The following SPINK5 variants were observed in gnomAD, a reference collection of about 807,000 sequenced individuals.
The protein encoded by SPINK5 is serine protease inhibitor Kazal-type 5.
SPINK5 carries 125 observed loss-of-function variants against 151.8 expected under a neutral mutation model. The observed-to-expected ratio is 0.82, with a 90% confidence interval of 0.71 to 0.96. The LOEUF is 0.96. SPINK5 is among the 40% of genes least tolerant of loss of function. The pLI is 0.00. For missense variants in SPINK5, 1,194 were observed against 1,291.9 expected, an observed-to-expected ratio of 0.92 and a Z score of 1.16; for synonymous variants, 374 against 395.3, an observed-to-expected ratio of 0.95 and a Z score of 0.64.
At chr5:148,134,083 T>C in intron 32 of SPINK5, 196 bp downstream of exon 32, 1 of 663,598 alleles carries the variant, frequency 1.5e-6, no homozygotes, top group Admixed American at 2.1e-5. Flanking sequence ...AATGTAGCAG[T>C]TAATATTTTA....
At chr5:148,088,519 T>C (rs773579939) in intron 5 of SPINK5, 23 bp from the exon 6 acceptor site, 3 of 1,608,346 alleles carry the variant, frequency 1.9e-6, no homozygotes, top group African/African-American at 2.7e-5. Flanking sequence ...TAAACTGCTG[T>C]GTCTACTAAC....
intron 15 of SPINK5, among the ~76,000 whole-genome samples, 156 bp from the exon 16 acceptor site, chr5:148,104,796 T>C (rs570621279): frequency 1.3e-5 from 2 of 152,022 alleles, no homozygotes; most frequent in East Asian, 3.9e-4. Flanking sequence ...CTTGGGAGGC[T>C]GAGGCAGGAG....
chr5:148,095,948 G>GT, intron 10 of SPINK5, 43 bp downstream of exon 10: 1 of 1,469,926 alleles, frequency 6.8e-7, no homozygotes. Flanking sequence ...TTGTGTGTGT[G>GT]TGGGGGGGTG....
intron 32 of SPINK5, among the ~76,000 whole-genome samples, chr5:148,135,104 C>T (rs1456790505): frequency 1.3e-5 from 2 of 152,068 alleles, no homozygotes; most frequent in African/African-American, 2.4e-5. Context: ...AAGTTATTTA[C>T]CACCCATTTA....
At chr5:148,101,989 A>G (rs1421943421) in intron 15 of SPINK5, 81 bp downstream of exon 15, 3 of 1,597,106 alleles carry the variant, frequency 1.9e-6, no homozygotes, top group South Asian at 1.1e-5. Flanking sequence ...CATTGTGAAT[A>G]ATGCATTTTC....
At chr5:148,077,438 T>A (rs1377398944) in intron 4 of SPINK5, among the ~76,000 whole-genome samples, 1 of 151,110 alleles carries the variant, frequency 6.6e-6, no homozygotes, top group African/African-American at 2.4e-5. Context: ...CTGAGAGACT[T>A]TGTTGTTAAC....
At chr5:148,095,732 T>G in intron 9 of SPINK5, 86 bp from the exon 10 acceptor site, 1 of 1,167,020 alleles carries the variant, frequency 8.6e-7, no homozygotes, top group Non-Finnish European at 1.3e-6. Context: ...TCAGGACAAC[T>G]TAGATATTTT....
chr5:148,086,267 G>A (rs1480232623), intron 4 of SPINK5, 138 bp from the exon 5 acceptor site: 1 of 992,546 alleles, frequency 1.0e-6, no homozygotes, highest in Admixed American at 2.6e-5. Flanking sequence ...AAATTTATTA[G>A]CTCAATGTAG....
intron 2 of SPINK5, among the ~76,000 whole-genome samples, chr5:148,067,665 T>C (rs186944150): frequency 1.3e-5 from 2 of 152,274 alleles, no homozygotes; most frequent in Non-Finnish European, 2.9e-5. Context: ...AACCTATTAT[T>C]TGGGCCTCTG....
At chr5:148,117,058 T>C (rs1257246085) in intron 22 of SPINK5, among the ~76,000 whole-genome samples, 2 of 152,250 alleles carry the variant, frequency 1.3e-5, no homozygotes, top group African/African-American at 4.8e-5. Flanking sequence ...CATGGCAATG[T>C]TGCACATAAG....
chr5:148,089,804 C>A (rs1753262192), intron 7 of SPINK5, among the ~76,000 whole-genome samples, 183 bp downstream of exon 7: 1 of 151,760 alleles, frequency 6.6e-6, no homozygotes, highest in African/African-American at 2.4e-5. Flanking sequence ...ATTGAAGTTT[C>A]TTAAAAGAAG....
In SPINK5 at chr5:148,114,270, C is replaced by T. The variant is rs35043219; in HGVS notation, c.1888-92C>T. ...AAAATTCTCAGGTCATTTTCTCTCTCTTTTTTTTTTTTCTATAAAGCACTT... is the reference window on the plus strand; with the variant it reads ...AAAATTCTCAGGTCATTTTCTCTCTTTTTTTTTTTTTTCTATAAAGCACTT... On this transcript the variant is annotated intron_variant, in intron 20 of 32. Transcript: ENST00000256084. The T allele has an allele frequency of 0.5, 630,779 of 1,258,596 alleles. 150,024 individuals carry two copies. The highest frequency in any genetic ancestry group is 0.61 in the Admixed American group (23,345 of 38,312). 78.0% of individuals were successfully genotyped at this position (1,258,596 alleles called of 1,614,324 possible).
At chr5:148,086,718 T>A (rs1293587421) in intron 5 of SPINK5, among the ~76,000 whole-genome samples, 186 bp downstream of exon 5, 1 of 151,774 alleles carries the variant, frequency 6.6e-6, no homozygotes, top group Non-Finnish European at 1.5e-5. Context: ...ACACTTTATA[T>A]TTTACAAAGC....
At chr5:148,131,428 G>T (rs1754569971) in intron 31 of SPINK5, 39 bp downstream of exon 31, 1 of 1,612,728 alleles carries the variant, frequency 6.2e-7, no homozygotes, top group African/African-American at 1.3e-5. Context: ...TTCCAGTTTA[G>T]AATTTCTCAG....
chr5:148,088,210 C>G (rs1442081430), intron 5 of SPINK5, among the ~76,000 whole-genome samples: 1 of 151,656 alleles, frequency 6.6e-6, no homozygotes, highest in Non-Finnish European at 1.5e-5. Flanking sequence ...AACAAAGTTC[C>G]TTGGGTGCTG....
rs1014491686 is a variant in SPINK5 at position 148,112,998 on chromosome 5, T to C, written c.1887+64T>C. The C allele has an allele frequency of 1.9e-6, 3 of 1,598,194 alleles. No individual in the cohort carries two copies. In the African/African-American group the frequency reaches 4.0e-5, roughly 21 times the overall value. On this transcript the variant is annotated intron_variant, in intron 20 of 32. Transcript: ENST00000256084. ...AGATTTTGCAGTATCTCTGTAAAAATAACTATGGAATTACTGAAACCCCAG... is the reference window on the plus strand; with the variant it reads ...AGATTTTGCAGTATCTCTGTAAAAACAACTATGGAATTACTGAAACCCCAG...
chr5:148,100,770 T>C (rs952977913), intron 13 of SPINK5, among the ~76,000 whole-genome samples, 189 bp downstream of exon 13: 1 of 152,194 alleles, frequency 6.6e-6, no homozygotes, highest in Non-Finnish European at 1.5e-5. Flanking sequence ...ACTTCACACT[T>C]AAGCAAGGAG....
At chr5:148,136,065 A>G (rs1255429378) in intron 32 of SPINK5, among the ~76,000 whole-genome samples, 3 of 152,124 alleles carry the variant, frequency 2.0e-5, no homozygotes, top group Admixed American at 1.3e-4. Context: ...GTCCCTTAGT[A>G]TAATATCTTG....
At chr5:148,131,710 T>C (rs1300033648) in intron 31 of SPINK5, among the ~76,000 whole-genome samples, 1 of 151,952 alleles carries the variant, frequency 6.6e-6, no homozygotes, top group Non-Finnish European at 1.5e-5. Flanking sequence ...ACATCATTCA[T>C]TCTGTGTGTA....
Sources: allele counts gnomAD v4.1 joint callset (sites outside exome capture counted in the v4.1 genomes callset), GRCh38; gene constraint gnomAD v4.1.1; transcripts MANE v1.5; gene names NCBI Gene and HGNC (gene_info 2026-07-23, HGNC 2026-07-21).